BANP: variants seen among roughly 807,000 people sequenced by gnomAD.
The protein encoded by BANP is BTG3 associated nuclear protein, also known as protein BANP.
Under a neutral mutation model 68.1 loss-of-function variants are expected in BANP, and 11 were observed. The ratio of observed to expected loss-of-function variants is 0.16; its 90% CI spans 0.10 to 0.27. BANP has a LOEUF of 0.27. BANP is among the 10% of genes least tolerant of loss of function. BANP has a pLI of 1.00. For synonymous variants in BANP, 329 were observed against 303.2 expected, an observed-to-expected ratio of 1.09 and a Z score of -0.88; for missense variants, 504 against 722.7, an observed-to-expected ratio of 0.70 and a Z score of 3.47.
Position 88,049,787 on chromosome 16 carries a change from C to A in BANP, c.1311+11776C>A, listed in dbSNP as rs535509301. Among the ~76,000 whole-genome samples the A allele has an allele frequency of 8.3e-4, 126 of 152,210 alleles. 1 individual carries two copies. The highest frequency in any genetic ancestry group is 3.4e-3 in the Middle Eastern group (1 of 294). ...AGGAATGGAGAGTGCTGTGGCCACA[C>A]GCTCAGTGACACGACGCCCCAGCCA... On this transcript the variant is annotated intron_variant, in intron 11 of 13. Coordinates refer to ENST00000682872, the MANE Select transcript of BANP (RefSeq NM_001386991.1).
intron 8 of BANP, 102 bp from the exon 9 acceptor site, chr16:88,033,007 G>C: frequency 7.8e-7 from 1 of 1,281,180 alleles, no homozygotes; most frequent in Non-Finnish European, 1.1e-6. Flanking sequence ...CCTCTTCTCT[G>C]CTGTGGGAGT....
chr16:88,002,183 G>A lies in BANP; in HGVS notation c.363-2112G>A, dbSNP rs1275181270. ...GTTTTTGGTTTTTATAACTCTGGGT[G>A]CTGGGAAACTTGGGTCCCATCGGTA... is the stretch of plus-strand genomic sequence containing the variant. On this transcript the variant is annotated intron_variant, in intron 4 of 13. Transcript: ENST00000682872. This position sits in a 1 kb window ranked among gnomAD's most constrained non-coding sequence, Gnocchi z 4.6. Among the ~76,000 whole-genome samples the A allele has an allele frequency of 2.6e-5, 4 of 152,084 alleles. No homozygotes were observed. The East Asian group carries it at 7.7e-4, about 29-fold the overall frequency.
At chr16:87,956,178 A>T (rs1445231832) in intron 1 of BANP, among the ~76,000 whole-genome samples, 1 of 152,230 alleles carries the variant, frequency 6.6e-6, no homozygotes, top group African/African-American at 2.4e-5. Flanking sequence ...TAAGTGATTG[A>T]CATGACATGG....
upstream of BANP, chr16:87,949,643 G>A (rs1341070300): frequency 2.0e-5 from 3 of 152,114 alleles, no homozygotes; most frequent in Non-Finnish European, 4.4e-5. Context: ...CTGTCCCAGC[G>A]CTGCCATTTT....
intron 4 of BANP, among the ~76,000 whole-genome samples, chr16:87,987,879 C>A (rs1347395837): frequency 6.6e-6 from 1 of 152,022 alleles, no homozygotes; most frequent in Admixed American, 6.6e-5. Flanking sequence ...GATTCTCCCA[C>A]CTCAGCCTCC....
intron 13 of BANP, 30 bp downstream of exon 13, chr16:88,072,242 G>A (rs764645448): frequency 5.9e-5 from 93 of 1,583,368 alleles, no homozygotes; most frequent in Non-Finnish European, 7.3e-5. Flanking sequence ...CCGGGACACT[G>A]AAGTGATGGC....
intron 1 of BANP, among the ~76,000 whole-genome samples, chr16:87,965,374 A>G (rs2059838811): frequency 1.3e-5 from 2 of 151,708 alleles, no homozygotes; most frequent in African/African-American, 4.8e-5. Flanking sequence ...TTTTATCTGA[A>G]AGGGAACAGA....
At position 87,971,147 on chromosome 16, in the gene BANP, C is replaced by T. The variant is rs558266900; in HGVS notation, c.-68-3901C>T. On this transcript the variant is annotated intron_variant, in intron 1 of 13. Coordinates refer to ENST00000682872, the MANE Select transcript of BANP (RefSeq NM_001386991.1). ...CCTTATAGCCATTGAACATTGTGAA[C>T]ATTGTAACATTGGTTTTTGTTTTTG... 3.6e-3 allele frequency among the ~76,000 whole-genome samples: 549 copies of T among 152,302 alleles called. 3 individuals carry two copies. Among genetic ancestry groups the T allele is most frequent in the Non-Finnish European group, 6.2e-3 (423 of 68,028 alleles).
At position 88,024,930 on chromosome 16, in the gene BANP, A is replaced by G. The variant is rs528650375; in HGVS notation, c.896-2553A>G. Among the ~76,000 whole-genome samples, 5 of 152,302 alleles carry G rather than the reference A, an allele frequency of 3.3e-5. No homozygotes were observed. In the East Asian group the frequency reaches 5.8e-4, roughly 18 times the overall value. On this transcript the variant is annotated intron_variant, in intron 7 of 13. Coordinates refer to ENST00000682872, the MANE Select transcript of BANP (RefSeq NM_001386991.1). ...ATGTTTTCACCCATTTCTCTTACCT[A>G]TACACCTGGGTGTTTTAGATTTATC...
rs568334040 is a variant in BANP, at chr16:87,984,176, G to A, written c.279G>A (p.Thr93=). The A allele has an allele frequency of 1.7e-4, 273 of 1,607,574 alleles. No individual in the cohort carries two copies. The South Asian group carries it at 1.9e-3, about 11-fold the overall frequency. ...KSLEEKLDLV[T]NKQHSPIQVP... ...TAGAAGAAAAGCTGGATCTGGTCAC[G>A]AACAAGCAGCACAGCCCCATCCAGG... Residue 93 remains threonine (T), a synonymous_variant, in exon 4 of 14, where the codon ACG becomes ACA. Transcript: ENST00000682872.
chr16:87,995,870 C>T (rs1175005695), intron 4 of BANP, among the ~76,000 whole-genome samples: 2 of 152,256 alleles, frequency 1.3e-5, no homozygotes, highest in Non-Finnish European at 1.5e-5. Flanking sequence ...ATGCCGTGAG[C>T]TGGAGCGGGA....
At chr16:88,047,991 G>A (rs1224605851) in intron 11 of BANP, among the ~76,000 whole-genome samples, 6 of 152,240 alleles carry the variant, frequency 3.9e-5, no homozygotes, top group African/African-American at 1.4e-4. Flanking sequence ...CTGTCCCCTG[G>A]GGAGGGCAGG....
chr16:88,037,729 G>C (rs2079707435), intron 10 of BANP: 1 of 565,564 alleles, frequency 1.8e-6, no homozygotes, highest in Non-Finnish European at 3.2e-6. Flanking sequence ...TTTGGGGTCA[G>C]GGTAGGGGAA....
intron 8 of BANP, 32 bp downstream of exon 8, chr16:88,027,682 C>A: frequency 6.2e-7 from 1 of 1,610,602 alleles, no homozygotes; most frequent in South Asian, 1.1e-5. Flanking sequence ...AGGCCGCCCT[C>A]CCCCGCTCGG....
intron 7 of BANP, among the ~76,000 whole-genome samples, chr16:88,020,506 G>A (rs950107043): frequency 2.0e-5 from 3 of 152,280 alleles, no homozygotes; most frequent in African/African-American, 7.2e-5. Flanking sequence ...TGATGGCAGA[G>A]CGTGCGGTCA....
At chr16:87,959,265 A>C (rs1255386249) in intron 1 of BANP, among the ~76,000 whole-genome samples, 2 of 152,240 alleles carry the variant, frequency 1.3e-5, no homozygotes, top group African/African-American at 2.4e-5. Flanking sequence ...TAATTTTCTC[A>C]TCATGAAATA....
At chr16:88,040,718 C>T (rs1221826766) in intron 11 of BANP, among the ~76,000 whole-genome samples, 5 of 152,236 alleles carry the variant, frequency 3.3e-5, no homozygotes, top group East Asian at 3.8e-4. Context: ...CGTACTGTCC[C>T]GGAGGCCCTT....
In BANP at chr16:88,036,923, C is replaced by G. The variant is rs545645618; in HGVS notation, c.1273-1050C>G. Among the ~76,000 whole-genome samples the G allele has an allele frequency of 5.3e-5, 8 of 152,212 alleles. No homozygotes were observed. In the South Asian group the frequency reaches 1.7e-3, roughly 32 times the overall value. On this transcript the variant is annotated intron_variant, in intron 10 of 13. Transcript: ENST00000682872. This position sits in a 1 kb window ranked among gnomAD's most constrained non-coding sequence, Gnocchi z 4.2. ...GAGGTCAGGTGCAGGAGTTGGGGGCCTGAGTGGCTGCGAGGTGCAGGATCC... is the reference window on the plus strand; with the variant it reads ...GAGGTCAGGTGCAGGAGTTGGGGGCGTGAGTGGCTGCGAGGTGCAGGATCC...
At chr16:87,959,858 C>G (rs60179789) in intron 1 of BANP, 3 of 152,574 alleles carry the variant, frequency 2.0e-5, no homozygotes, top group African/African-American at 7.3e-5. Context: ...GGGAGGTGGC[C>G]GGGACTCCTG....
Sources: allele counts gnomAD v4.1 joint callset (sites outside exome capture counted in the v4.1 genomes callset), GRCh38; gene constraint gnomAD v4.1.1; non-coding constraint Gnocchi (gnomAD v3.1); transcripts MANE v1.5; gene names NCBI Gene and HGNC (gene_info 2026-07-23, HGNC 2026-07-21).